Variants in ITFG1 observed in about 807,000 individuals in gnomAD.
The protein encoded by ITFG1 is integrin alpha FG-GAP repeat containing 1, also known as T-cell immunomodulatory protein.
In ITFG1, 34 loss-of-function variants were observed where a neutral mutation model predicts 81.8. The ratio of observed to expected loss-of-function variants is 0.42; its 90% confidence interval spans 0.32 to 0.55. ITFG1 has a LOEUF of 0.55. Among genes scored for constraint, ITFG1 ranks in the 20% least tolerant of loss-of-function variants. The probability of loss-of-function intolerance (pLI) is 0.17; values close to 1 mark genes in which losing one functional copy is unlikely to be tolerated. For synonymous variants in ITFG1, 285 were observed against 270.6 expected (o/e 1.05, Z -0.52); for missense variants, 672 against 755.4 (o/e 0.89, Z 1.29).
chr16:47,451,964 G>A (rs1039013675), intron 4 of ITFG1, among the ~76,000 whole-genome samples: 1 of 152,110 alleles, frequency 6.6e-6, no homozygotes, highest in Admixed American at 6.6e-5. Flanking sequence ...TACTTAGATG[G>A]GCTTAGGAGA....
At chr16:47,353,520 G>C (rs1233258778) in intron 8 of ITFG1, among the ~76,000 whole-genome samples, 2 of 151,864 alleles carry the variant, frequency 1.3e-5, no homozygotes, top group Non-Finnish European at 2.9e-5. Context: ...TTCACCACTT[G>C]TATTAAAAAA....
At position 47,341,471 on chromosome 16, in the gene ITFG1, A is replaced by G. The variant is rs531410068; in HGVS notation, c.802+24317T>C. Among the ~76,000 whole-genome samples the G allele has an allele frequency of 6.6e-5, 10 of 151,308 alleles. No individual in the cohort carries two copies. The South Asian group carries it at 1.5e-3, about 22-fold the overall frequency. On this transcript the variant is annotated intron_variant, in intron 8 of 17. Coordinates refer to ENST00000320640, the MANE Select transcript of ITFG1 (RefSeq NM_030790.5). ...ATGAAAATAAAAATATAACATACCCATACCCAGATTTACAAGATCCACAAA... is the reference window on the plus strand; with the variant it reads ...ATGAAAATAAAAATATAACATACCCGTACCCAGATTTACAAGATCCACAAA...
intron 5 of ITFG1, among the ~76,000 whole-genome samples, chr16:47,432,646 A>T (rs1387960861): frequency 1.3e-5 from 2 of 152,262 alleles, no homozygotes; most frequent in Non-Finnish European, 2.9e-5. Flanking sequence ...TCATGGTAAT[A>T]AGAAAATATT....
intron 13 of ITFG1, among the ~76,000 whole-genome samples, chr16:47,224,104 C>G (rs541505728): frequency 1.8e-4 from 27 of 151,934 alleles, no homozygotes; most frequent in Non-Finnish European, 2.9e-4. Context: ...GGGAGATACA[C>G]CTAATGCTGG....
In ITFG1 at chr16:47,320,471, T is replaced by C. The variant is rs188285594; in HGVS notation, c.803-6648A>G. 4.6e-5 allele frequency among the ~76,000 whole-genome samples: 7 copies of C among 152,322 alleles called. No homozygotes were observed. The East Asian group carries it at 1.3e-3, about 29-fold the overall frequency. On this transcript the variant is annotated intron_variant, in intron 8 of 17. Coordinates refer to ENST00000320640, the MANE Select transcript of ITFG1 (RefSeq NM_030790.5). ...GTCTTAGATTAACCTGAAATTTATT[T>C]TGATATACAATTGTGAGTTGTACTG...
chr16:47,220,603 T>C (rs1287038354), intron 13 of ITFG1, among the ~76,000 whole-genome samples: 1 of 152,198 alleles, frequency 6.6e-6, no homozygotes, highest in African/African-American at 2.4e-5. Flanking sequence ...AGGCAATCAG[T>C]GGTAATATTA....
At chr16:47,434,389 G>C (rs1969138546) in intron 5 of ITFG1, among the ~76,000 whole-genome samples, 2 of 148,690 alleles carry the variant, frequency 1.3e-5, no homozygotes, top group South Asian at 4.2e-4. Context: ...AGTGGGCAAA[G>C]AATGTGAACA....
intron 5 of ITFG1, among the ~76,000 whole-genome samples, chr16:47,435,124 C>T (rs1969149046): frequency 6.6e-6 from 1 of 152,134 alleles, no homozygotes; most frequent in Non-Finnish European, 1.5e-5. Flanking sequence ...AACAAACCAC[C>T]ATGGTACACA....
chr16:47,407,882 C>T (rs547975544), intron 6 of ITFG1, among the ~76,000 whole-genome samples: 1 of 152,214 alleles, frequency 6.6e-6, no homozygotes, highest in Non-Finnish European at 1.5e-5. Context: ...TATTAGTATG[C>T]AGGGTTATGA....
intron 10 of ITFG1, among the ~76,000 whole-genome samples, chr16:47,305,130 A>G (rs1432423494): frequency 1.3e-5 from 2 of 152,206 alleles, no homozygotes; most frequent in African/African-American, 2.4e-5. Flanking sequence ...AATGAAATTT[A>G]CCAACATAAT....
intron 12 of ITFG1, among the ~76,000 whole-genome samples, chr16:47,255,080 CTG>C (rs2151540252): frequency 6.6e-6 from 1 of 152,232 alleles, no homozygotes; most frequent in African/African-American, 2.4e-5. Context: ...GACCGAGACT[CTG>C]TCTCAAAAAA....
At chr16:47,194,419 G>A (rs1016192085) in intron 14 of ITFG1, among the ~76,000 whole-genome samples, 1 of 152,090 alleles carries the variant, frequency 6.6e-6, no homozygotes, top group Non-Finnish European at 1.5e-5. Flanking sequence ...CAAGGTCAAG[G>A]GTATCAGATT....
intron 8 of ITFG1, among the ~76,000 whole-genome samples, chr16:47,357,631 A>AG (rs1968058081): frequency 6.6e-6 from 1 of 151,798 alleles, no homozygotes; most frequent in African/African-American, 2.4e-5. Flanking sequence ...AAAAAAAAAA[A>AG]AAAATTAAAT....
chr16:47,344,874 T>C (rs1453863466), intron 8 of ITFG1, among the ~76,000 whole-genome samples: 1 of 152,254 alleles, frequency 6.6e-6, no homozygotes. Flanking sequence ...TCCAGTGCTA[T>C]CCATGCTGTT....
At chr16:47,421,594 T>G (rs1003810156) in intron 6 of ITFG1, among the ~76,000 whole-genome samples, 1 of 152,192 alleles carries the variant, frequency 6.6e-6, no homozygotes, top group Non-Finnish European at 1.5e-5. Flanking sequence ...TGAGCCACCA[T>G]GCCCGGACTA....
At chr16:47,262,487 CAT>C (rs1411100715) in intron 10 of ITFG1, among the ~76,000 whole-genome samples, 2 of 152,174 alleles carry the variant, frequency 1.3e-5, no homozygotes, top group African/African-American at 4.8e-5. Context: ...AACATGAGAA[CAT>C]GTGATAAAAG....
At chr16:47,200,210 G>A (rs1965408576) in intron 14 of ITFG1, among the ~76,000 whole-genome samples, 1 of 152,124 alleles carries the variant, frequency 6.6e-6, no homozygotes, top group Admixed American at 6.5e-5. Context: ...GTTTGCAAAT[G>A]AAATAGCTTA....
chr16:47,396,984 T>A (rs920326407), intron 6 of ITFG1, among the ~76,000 whole-genome samples: 1 of 152,122 alleles, frequency 6.6e-6, no homozygotes, highest in Non-Finnish European at 1.5e-5. Context: ...GTCCAGAAGA[T>A]GTTATGTCTC....
At chr16:47,305,743 A>T (rs1184929479) in intron 10 of ITFG1, among the ~76,000 whole-genome samples, 4 of 152,194 alleles carry the variant, frequency 2.6e-5, no homozygotes, top group African/African-American at 9.6e-5. Flanking sequence ...ATGAAGTAAA[A>T]TAATTTTGAA....
Sources: allele counts gnomAD v4.1 joint callset (sites outside exome capture counted in the v4.1 genomes callset), GRCh38; gene constraint gnomAD v4.1.1; transcripts MANE v1.5; gene names NCBI Gene and HGNC (gene_info 2026-07-23, HGNC 2026-07-21).